NAV2: variants seen among roughly 807,000 people sequenced by gnomAD.
The protein encoded by NAV2 is helicase, APC down-regulated 1.
NAV2 carries 54 observed loss-of-function variants against 223.2 expected under a neutral mutation model. The observed-to-expected ratio is 0.24, with a 90% CI of 0.19 to 0.30. NAV2 has a LOEUF of 0.30. Ranked by LOEUF, NAV2 falls within the 10% of genes least tolerant of loss-of-function variation. The probability of loss-of-function intolerance (pLI) is 1.00; values close to 1 mark genes in which losing one functional copy is unlikely to be tolerated. For missense variants in NAV2, 2,806 were observed against 3,147.5 expected (o/e 0.89, Z 2.60); for synonymous variants, 1,279 against 1,239.3 (o/e 1.03, Z -0.67).
At chr11:19,930,618 A>G (rs2045239227) in intron 6 of NAV2, among the ~76,000 whole-genome samples, 1 of 152,210 alleles carries the variant, frequency 6.6e-6, no homozygotes, top group Admixed American at 6.5e-5. Flanking sequence ...AGAGATTTCT[A>G]TCTGTTTTTT....
chr11:19,607,426 G>C (rs1402656309), intron 1 of NAV2, among the ~76,000 whole-genome samples: 1 of 152,192 alleles, frequency 6.6e-6, no homozygotes, highest in Non-Finnish European at 1.5e-5. Flanking sequence ...AGCAGAAGAG[G>C]CACTGCCTTT....
At chr11:19,535,458 A>G (rs58962816) in intron 1 of NAV2, among the ~76,000 whole-genome samples, 11,312 of 152,198 alleles carry the variant, frequency 0.074, 1,435 homozygotes, top group African/African-American at 0.26. Flanking sequence ...AGATGCAGCC[A>G]GCTTTGCATT....
rs1180186158 is a variant in NAV2 at position 19,821,252 on chromosome 11, ACT to A, written c.268-11229_268-11228del. Among the ~76,000 whole-genome samples, 27 of 101,144 alleles carry A rather than the reference ACT, an allele frequency of 2.7e-4. 1 individual carries two copies. The South Asian group carries it at 5.4e-3, about 20-fold the overall frequency. The allele number at this position is 101,144 out of a possible 152,430, so 66.4% of individuals were successfully genotyped here. ...ACTCCAGCCTGGGCGACAGAGCGAG[ACT>A]CTGTCTCAAAAAAAAAAAAAAAAAA... On this transcript the variant is annotated intron_variant, in intron 1 of 37. Coordinates refer to ENST00000349880, the MANE Select transcript of NAV2 (RefSeq NM_145117.5).
intron 1 of NAV2, among the ~76,000 whole-genome samples, chr11:19,569,976 G>A (rs1050120729): frequency 9.9e-5 from 15 of 152,226 alleles, no homozygotes; most frequent in African/African-American, 3.4e-4. Context: ...TGTCTCACCT[G>A]AGCCTTCCTC....
chr11:19,393,906 CT>C lies in NAV2; in HGVS notation c.75+42892del, dbSNP rs5790073. Among the ~76,000 whole-genome samples the C allele has an allele frequency of 3.4e-3, 464 of 135,704 alleles. 6 individuals are homozygous for C. The highest frequency in any genetic ancestry group is 0.012 in the African/African-American group (418 of 36,150). 89.0% of individuals were successfully genotyped at this position (135,704 alleles called of 152,430 possible). On this transcript the variant is annotated intron_variant, in intron 1 of 37. Coordinates refer to the NAV2 transcript ENST00000360655. Reference sequence around the variant, plus strand: ...TTTATAACTTAAGGGTTTTTTTTTTCTTTTTTTTTTTTTAGGTCAAATCTCA... The same window carrying C: ...TTTATAACTTAAGGGTTTTTTTTTTCTTTTTTTTTTTTAGGTCAAATCTCA...
At chr11:19,577,029 C>T (rs534997213) in intron 1 of NAV2, among the ~76,000 whole-genome samples, 1 of 152,334 alleles carries the variant, frequency 6.6e-6, no homozygotes, top group Non-Finnish European at 1.5e-5. Context: ...TCAAGGAATC[C>T]CTGGGTTCCA....
chr11:19,713,523 G>T lies in NAV2; in HGVS notation c.-173G>T, dbSNP rs1272528969. On this transcript the variant is annotated 5_prime_UTR_variant, in exon 1 of 38. Coordinates refer to ENST00000349880, the MANE Select transcript of NAV2 (RefSeq NM_145117.5). This position sits in a 1 kb window ranked among gnomAD's most constrained non-coding sequence, Gnocchi z 7.2. Reference sequence around the variant, plus strand: ...TCCCATCCCGGCACCCCAAAGGCGCGCTCGCCCGATTGCTTCGAGTTCCCC... The same window carrying T: ...TCCCATCCCGGCACCCCAAAGGCGCTCTCGCCCGATTGCTTCGAGTTCCCC... 19 of 1,393,372 alleles carry T rather than the reference G, an allele frequency of 1.4e-5. No individual in the cohort carries two copies. Among genetic ancestry groups the T allele is most frequent in the African/African-American group, 3.0e-5 (2 of 67,780 alleles). The allele number at this position is 1,393,372 out of a possible 1,614,324, so 86.3% of individuals were successfully genotyped here.
intron 1 of NAV2, among the ~76,000 whole-genome samples, chr11:19,785,321 G>T (rs1381049903): frequency 6.6e-6 from 1 of 152,178 alleles, no homozygotes; most frequent in Non-Finnish European, 1.5e-5. Context: ...TAACCATCCT[G>T]CTGACTGGCA....
At chr11:19,489,704 T>C (rs776160112) in intron 1 of NAV2, among the ~76,000 whole-genome samples, 2 of 152,232 alleles carry the variant, frequency 1.3e-5, no homozygotes, top group Non-Finnish European at 1.5e-5. Flanking sequence ...GAGAATTGTC[T>C]TGTGGAGTAT....
At position 19,933,746 on chromosome 11, in the gene NAV2, G is replaced by T; in HGVS notation, c.1502G>T (p.Ser501Ile). ...KQQREKDKEK[S>I]KDLAKRASVT... ...CAGCGGGAGAAGGATAAGGAGAAAA[G>T]CAAGGACCTTGCCAAGAGAGCCTCT... Residue 501 changes from serine (S) to isoleucine (I), a missense_variant, in exon 7 of 38, where the codon AGC (serine) becomes ATC (isoleucine). This residue lies in a region of NAV2 where 1,167 missense variants were observed against 1,180.5 expected (regional missense o/e 0.99). Transcript: ENST00000349880. This position sits in a 1 kb window ranked among gnomAD's most constrained non-coding sequence, Gnocchi z 4.3. 1.2e-6 allele frequency: 2 copies of T among 1,614,176 alleles called. No individual in the cohort carries two copies. Among genetic ancestry groups the T allele is most frequent in the Non-Finnish European group, 8.5e-7 (1 of 1,180,028 alleles).
At chr11:19,539,380 C>T (rs1005527237) in intron 1 of NAV2, among the ~76,000 whole-genome samples, 1 of 152,242 alleles carries the variant, frequency 6.6e-6, no homozygotes, top group African/African-American at 2.4e-5. Flanking sequence ...GATCCCTCCT[C>T]CATCCCAAAC....
At chr11:19,989,406 A>T (rs1454177740) in intron 11 of NAV2, among the ~76,000 whole-genome samples, 1 of 152,130 alleles carries the variant, frequency 6.6e-6, no homozygotes, top group East Asian at 1.9e-4. Flanking sequence ...ATAGGAACAG[A>T]TGCTCCTAGA....
chr11:19,457,459 A>G (rs1851994971), intron 1 of NAV2, among the ~76,000 whole-genome samples: 1 of 152,170 alleles, frequency 6.6e-6, no homozygotes, highest in Non-Finnish European at 1.5e-5. Flanking sequence ...AAAGAGAACA[A>G]TGGTCAGGGC....
chr11:19,878,826 T>TA (rs1363845110), intron 4 of NAV2, among the ~76,000 whole-genome samples: 2 of 152,186 alleles, frequency 1.3e-5, no homozygotes, highest in African/African-American at 4.8e-5. Context: ...TCTTGTTCCT[T>TA]CACTAGCAGC....
chr11:19,903,101 G>T (rs1409108258), intron 6 of NAV2, among the ~76,000 whole-genome samples: 1 of 152,168 alleles, frequency 6.6e-6, no homozygotes, highest in Admixed American at 6.5e-5. Flanking sequence ...TTGTTTCTTA[G>T]CTGCAGCTTG....
At chr11:19,443,439 C>A (rs1851473818) in intron 1 of NAV2, among the ~76,000 whole-genome samples, 1 of 152,194 alleles carries the variant, frequency 6.6e-6, no homozygotes, top group South Asian at 2.1e-4. Flanking sequence ...CTGCCATGGA[C>A]CACTCTGAGA....
chr11:19,673,509 C>T (rs1411628925), intron 1 of NAV2, among the ~76,000 whole-genome samples: 1 of 152,216 alleles, frequency 6.6e-6, no homozygotes, highest in Non-Finnish European at 1.5e-5. Flanking sequence ...CTCTCACCAC[C>T]CTGTGAGCAC....
Position 19,880,388 on chromosome 11 carries a change from A to G in NAV2, c.770+261A>G, listed in dbSNP as rs534034375. 5.3e-5 allele frequency among the ~76,000 whole-genome samples: 8 copies of G among 152,340 alleles called. No homozygotes were observed. The East Asian group carries it at 1.2e-3, about 22-fold the overall frequency. ...CCTGCTCCTGCTATTACTCCGGCCT[A>G]TTACACACATGCTCGTAGACAATAA... On this transcript the variant is annotated intron_variant, in intron 5 of 37. Coordinates refer to ENST00000349880, the MANE Select transcript of NAV2 (RefSeq NM_145117.5).
At chr11:19,834,090 A>G (rs569944269) in intron 2 of NAV2, among the ~76,000 whole-genome samples, 26 of 152,342 alleles carry the variant, frequency 1.7e-4, no homozygotes, top group African/African-American at 6.3e-4. Flanking sequence ...AGGGGACAGG[A>G]TGATACAAGG....
Sources: allele counts gnomAD v4.1 joint callset (sites outside exome capture counted in the v4.1 genomes callset), GRCh38; gene constraint gnomAD v4.1.1; regional missense constraint gnomAD v4.1.1; non-coding constraint Gnocchi (gnomAD v3.1); transcripts MANE v1.5; gene names NCBI Gene and HGNC (gene_info 2026-07-23, HGNC 2026-07-21).